Variants in THRB observed in about 807,000 individuals in gnomAD.
THRB encodes the protein nuclear receptor subfamily 1 group A member 2.
In THRB, 12 loss-of-function variants were observed where a neutral mutation model predicts 47.8. The observed-to-expected ratio is 0.25, with a 90% CI of 0.16 to 0.41. The LOEUF (loss-of-function observed/expected upper bound fraction) is 0.41, where lower values mean the gene tolerates loss of function less well. THRB is among the 10% of genes least tolerant of loss of function. The pLI is 1.00. For synonymous variants in THRB, 218 were observed against 212.2 expected (o/e 1.03, Z -0.24); for missense variants, 348 against 589.2 (o/e 0.59, Z 4.24).
At chr3:24,421,830 C>T (rs1169103723) in intron 1 of THRB, among the ~76,000 whole-genome samples, 1 of 151,906 alleles carries the variant, frequency 6.6e-6, no homozygotes, top group Non-Finnish European at 1.5e-5. Flanking sequence ...TTTGCATCAT[C>T]ATCTCATTTA....
chr3:24,295,910 C>T lies in THRB; in HGVS notation c.-43+1316G>A, dbSNP rs557588196. On this transcript the variant is annotated intron_variant, in intron 3 of 10. Coordinates refer to ENST00000646209, the MANE Select transcript of THRB (RefSeq NM_001354712.2). ...CACTTTCCAATATGGGAGCCATTAG[C>T]CCTGTGTGGCTACCAACCATTTAAT... Among the ~76,000 whole-genome samples, 5 of 152,308 alleles carry T rather than the reference C, an allele frequency of 3.3e-5. No individual in the cohort carries two copies. The South Asian group carries it at 6.2e-4, about 19-fold the overall frequency.
chr3:24,246,551 G>A (rs1319164178), intron 3 of THRB, among the ~76,000 whole-genome samples: 1 of 152,130 alleles, frequency 6.6e-6, no homozygotes, highest in South Asian at 2.1e-4. Flanking sequence ...TTAATGACGG[G>A]ATAACCCAGT....
chr3:24,418,904 A>C (rs185187088), intron 1 of THRB, among the ~76,000 whole-genome samples: 1 of 152,076 alleles, frequency 6.6e-6, no homozygotes, highest in East Asian at 2.0e-4. Flanking sequence ...GTCATCCCAC[A>C]AATATTTCTG....
intron 1 of THRB, among the ~76,000 whole-genome samples, chr3:24,341,300 T>A (rs980182360): frequency 1.6e-4 from 23 of 146,994 alleles, no homozygotes; most frequent in Non-Finnish European, 2.1e-4. Flanking sequence ...GGTACAATCT[T>A]GGCTCACTGA....
At chr3:24,205,597 G>A (rs1418508662) in intron 4 of THRB, among the ~76,000 whole-genome samples, 2 of 152,110 alleles carry the variant, frequency 1.3e-5, no homozygotes, top group Non-Finnish European at 2.9e-5. Flanking sequence ...ATCAACTAAC[G>A]AGCAAAATAA....
intron 3 of THRB, among the ~76,000 whole-genome samples, chr3:24,276,429 G>T (rs539171022): frequency 2.7e-4 from 41 of 152,084 alleles, no homozygotes; most frequent in Non-Finnish European, 5.1e-4. Flanking sequence ...AAAATTCCAG[G>T]GTTCAAACCC....
chr3:24,193,836 C>T (rs1203667436), intron 4 of THRB, among the ~76,000 whole-genome samples: 1 of 152,148 alleles, frequency 6.6e-6, no homozygotes, highest in Non-Finnish European at 1.5e-5. Flanking sequence ...TTTATAACAG[C>T]ACAAATTGCA....
chr3:24,190,308 G>T lies in THRB; in HGVS notation c.49C>A (p.Pro17Thr), dbSNP rs752640335. 6.2e-7 allele frequency: 1 copy of T among 1,614,074 alleles called. No homozygotes were observed. The highest frequency in any genetic ancestry group is 8.5e-7 in the Non-Finnish European group (1 of 1,179,940). The part of the protein sequence containing the change: ...TENGLTAWDK[P>T]KHCPDREHDW... ...TGTTCTCGGTCTGGACAGTGCTTCGGTTTGTCCCAGGCTGTAAGGCCATTT... is the reference window on the plus strand; with the variant it reads ...TGTTCTCGGTCTGGACAGTGCTTCGTTTTGTCCCAGGCTGTAAGGCCATTT... Residue 17 changes from proline (P) to threonine (T), a missense_variant, in exon 5 of 11, where the codon CCG (proline) becomes ACG (threonine). Physicochemically the swap from Pro to Thr is conservative, Grantham distance 38. Around this residue, in one of 5 missense-constraint regions of THRB, gnomAD observed 148 missense variants for 122.3 expected, o/e 1.21. Coordinates refer to ENST00000646209, the MANE Select transcript of THRB (RefSeq NM_001354712.2).
intron 5 of THRB, among the ~76,000 whole-genome samples, chr3:24,177,937 T>G (rs2041379905): frequency 6.6e-6 from 1 of 152,198 alleles, no homozygotes; most frequent in South Asian, 2.1e-4. Context: ...TGTGTCTTTT[T>G]TTTAATCTTC....
chr3:24,135,603 C>T (rs1315044217), intron 8 of THRB, among the ~76,000 whole-genome samples: 1 of 151,970 alleles, frequency 6.6e-6, no homozygotes, highest in Non-Finnish European at 1.5e-5. Context: ...TTCTACTTCC[C>T]TCTTTCTCAC....
chr3:24,417,130 A>G (rs1176199624), intron 1 of THRB, among the ~76,000 whole-genome samples: 5 of 71,354 alleles, frequency 7.0e-5, no homozygotes, highest in Non-Finnish European at 1.5e-4. Context: ...ACACACACAC[A>G]CACACACACG....
At chr3:24,339,623 C>T (rs979364510) in intron 1 of THRB, among the ~76,000 whole-genome samples, 2 of 152,116 alleles carry the variant, frequency 1.3e-5, no homozygotes, top group African/African-American at 4.8e-5. Context: ...CTTTTTCATG[C>T]TGTGCCTCCA....
intron 5 of THRB, among the ~76,000 whole-genome samples, chr3:24,177,456 A>C (rs1449419524): frequency 1.3e-5 from 2 of 152,126 alleles, no homozygotes; most frequent in Non-Finnish European, 2.9e-5. Context: ...CACAGAACAC[A>C]CTCAATTTAA....
chr3:24,340,087 T>C (rs1363223360), intron 1 of THRB, among the ~76,000 whole-genome samples: 3 of 152,246 alleles, frequency 2.0e-5, no homozygotes, highest in Non-Finnish European at 4.4e-5. Context: ...TCCCAATTAA[T>C]GCAAATTGAA....
At chr3:24,420,850 A>G (rs1207576464) in intron 1 of THRB, among the ~76,000 whole-genome samples, 1 of 152,002 alleles carries the variant, frequency 6.6e-6, no homozygotes, top group Non-Finnish European at 1.5e-5. Context: ...ATCACTAGGT[A>G]TATACCAGAA....
At chr3:24,210,513 C>T (rs760141470) in intron 4 of THRB, among the ~76,000 whole-genome samples, 5 of 151,870 alleles carry the variant, frequency 3.3e-5, no homozygotes, top group Non-Finnish European at 5.9e-5. Context: ...AGTGGGTACA[C>T]GCCAGGGATG....
At chr3:24,374,230 G>A (rs1337543250) in intron 1 of THRB, among the ~76,000 whole-genome samples, 3 of 151,912 alleles carry the variant, frequency 2.0e-5, no homozygotes, top group Non-Finnish European at 2.9e-5. Context: ...ATTAATGTAG[G>A]CTCCACTCAG....
intron 5 of THRB, among the ~76,000 whole-genome samples, chr3:24,158,586 G>A (rs370994613): frequency 6.6e-6 from 1 of 151,894 alleles, no homozygotes; most frequent in South Asian, 2.1e-4. Flanking sequence ...CTGCCACCAC[G>A]CCCAGCTATT....
At chr3:24,281,918 C>G (rs955829330) in intron 3 of THRB, among the ~76,000 whole-genome samples, 3 of 150,288 alleles carry the variant, frequency 2.0e-5, no homozygotes, top group Admixed American at 2.0e-4. Context: ...AATACAGGAG[C>G]ACCCAGATTC....
Sources: gnomAD v4.1 joint callset for allele counts (sites outside exome capture counted in the v4.1 genomes callset) on GRCh38, gnomAD v4.1.1 for gene constraint, gnomAD v4.1.1 regional missense constraint, MANE v1.5 for transcripts, NCBI Gene and HGNC (gene_info 2026-07-23, HGNC 2026-07-21) for gene names.